The following CCDC57 variants were observed in gnomAD, a reference collection of about 807,000 sequenced individuals.
CCDC57 encodes the protein coiled-coil domain-containing protein 57.
In CCDC57, 118 loss-of-function variants were observed where a neutral mutation model predicts 118.9. The observed-to-expected ratio is 0.99, with a 90% CI of 0.86 to 1.16. The LOEUF (loss-of-function observed/expected upper bound fraction) is 1.16, where lower values mean the gene tolerates loss of function less well. Among genes scored for constraint, CCDC57 ranks in the 50% most tolerant of loss-of-function variants. CCDC57 has a pLI of 0.00. For synonymous variants in CCDC57, 527 were observed against 532.9 expected (o/e 0.99, Z 0.15); for missense variants, 1,300 against 1,320.7 (o/e 0.98, Z 0.24).
rs1452428561 is a variant in CCDC57, at chr17:82,188,216, C to G, written c.1052+3G>C. On this transcript the variant is annotated splice_donor_region_variant and intron_variant, in intron 8 of 19. Transcript: ENST00000665763. ...CTCTGGGTGGAGCCAAGCACACGCTCACTGGTCAATGGCAGCGTCCTTCTC... is the reference window on the plus strand; with the variant it reads ...CTCTGGGTGGAGCCAAGCACACGCTGACTGGTCAATGGCAGCGTCCTTCTC... 1 of 1,545,290 alleles carries G rather than the reference C, an allele frequency of 6.5e-7. No individual in the cohort carries two copies. The highest frequency in any genetic ancestry group is 2.4e-5 in the East Asian group (1 of 41,030).
At chr17:82,113,525 C>T (rs532372378) in intron 19 of CCDC57, 9 of 717,568 alleles carry the variant, frequency 1.3e-5, no homozygotes, top group South Asian at 8.9e-5. Context: ...GTGAGGCCCG[C>T]GCTGCATGTT....
At chr17:82,177,063 T>C (rs1198767109) in intron 11 of CCDC57, among the ~76,000 whole-genome samples, 1 of 151,712 alleles carries the variant, frequency 6.6e-6, no homozygotes, top group African/African-American at 2.4e-5. Flanking sequence ...CTGACCAACA[T>C]GGAGAAACCC....
chr17:82,189,253 G>GT (rs1176626791), intron 7 of CCDC57, among the ~76,000 whole-genome samples: 1 of 152,206 alleles, frequency 6.6e-6, no homozygotes, highest in Admixed American at 6.5e-5. Flanking sequence ...GAGTGACACA[G>GT]TGAGACCCTG....
At chr17:82,193,921 T>C (rs2047978520) in intron 6 of CCDC57, 61 bp downstream of exon 5, 1 of 1,579,202 alleles carries the variant, frequency 6.3e-7, no homozygotes, top group Non-Finnish European at 8.6e-7. Flanking sequence ...TCCCCCAGAC[T>C]CCAGTCCTGG....
chr17:82,205,211 T>A (rs1030156319), intron 2 of CCDC57, among the ~76,000 whole-genome samples: 1 of 152,240 alleles, frequency 6.6e-6, no homozygotes, highest in South Asian at 2.1e-4. Flanking sequence ...CTTCACACAG[T>A]GCCCGTGAGT....
At chr17:82,190,656 C>T (rs1426012646) in intron 7 of CCDC57, among the ~76,000 whole-genome samples, 2 of 144,268 alleles carry the variant, frequency 1.4e-5, no homozygotes, top group African/African-American at 2.6e-5. Flanking sequence ...GATTGCACCA[C>T]TGCACCATCT....
At chr17:82,129,407 C>A (rs1051513843) in intron 17 of CCDC57, among the ~76,000 whole-genome samples, 4 of 152,288 alleles carry the variant, frequency 2.6e-5, no homozygotes, top group Admixed American at 2.6e-4. Flanking sequence ...CTGTACAGAG[C>A]CATGGACAAT....
chr17:82,200,544 G>C (rs2048871972), intron 3 of CCDC57, among the ~76,000 whole-genome samples: 1 of 152,116 alleles, frequency 6.6e-6, no homozygotes, highest in Non-Finnish European at 1.5e-5. Context: ...AGCACTTCAG[G>C]AAGCCAAGGC....
chr17:82,189,467 G>A (rs935826816), intron 7 of CCDC57, among the ~76,000 whole-genome samples: 3 of 151,932 alleles, frequency 2.0e-5, no homozygotes, highest in Non-Finnish European at 1.5e-5. Context: ...CTGCTGACTG[G>A]GTTTCAGACC....
chr17:82,120,923 T>G (rs1455316334), intron 19 of CCDC57, among the ~76,000 whole-genome samples: 1 of 151,832 alleles, frequency 6.6e-6, no homozygotes, highest in East Asian at 1.9e-4. Context: ...GCCCGGCTAA[T>G]TTTTTGTATT....
At chr17:82,127,643 C>G (rs1000768868) in intron 19 of CCDC57, 49 bp downstream of exon 18, 3 of 1,542,322 alleles carry the variant, frequency 1.9e-6, no homozygotes, top group African/African-American at 1.4e-5. Flanking sequence ...GAGGGTGGCC[C>G]TCGCCAGCTG....
At chr17:82,164,562 T>C (rs35555954) in intron 13 of CCDC57, among the ~76,000 whole-genome samples, 69,765 of 151,796 alleles carry the variant, frequency 0.46, 16,863 homozygotes, top group East Asian at 0.88. Flanking sequence ...AAGGAAAAAA[T>C]AGAAGCAAAT....
At chr17:82,103,799 G>T (rs1435149705) in intron 19 of CCDC57, among the ~76,000 whole-genome samples, 2 of 151,902 alleles carry the variant, frequency 1.3e-5, no homozygotes, top group African/African-American at 2.4e-5. Flanking sequence ...GCGAAGCAGG[G>T]AGGTGTGAGT....
At position 82,198,322 on chromosome 17, in the gene CCDC57, G is replaced by A. The variant is rs781687154; in HGVS notation, c.508C>T (p.Gln170Ter). The A allele has an allele frequency of 1.2e-6, 2 of 1,610,984 alleles. No individual in the cohort carries two copies. Among genetic ancestry groups the A allele is most frequent in the Admixed American group, 3.3e-5 (2 of 59,880 alleles). The change falls in exon 4 of 20, where the codon CAG becomes TAG. Residue 170 changes from glutamine to a stop codon, truncating the protein, a stop_gained. Coordinates refer to ENST00000665763, the Ensembl canonical transcript of CCDC57. LOFTEE classifies it high-confidence loss of function. ...CGACCCAGAGGCTCTACCTGTCTCT[G>A]CAGAGCAAGCTCACCGTCGAGCTCC... is the stretch of plus-strand genomic sequence containing the variant.
intron 2 of CCDC57, among the ~76,000 whole-genome samples, chr17:82,204,279 C>G (rs1196043148): frequency 6.6e-6 from 1 of 152,174 alleles, no homozygotes; most frequent in African/African-American, 2.4e-5. Context: ...TCCCTACCGA[C>G]CATCTCAGCA....
chr17:82,169,541 G>A (rs2044415527), intron 13 of CCDC57, among the ~76,000 whole-genome samples: 1 of 152,156 alleles, frequency 6.6e-6, no homozygotes, highest in African/African-American at 2.4e-5. Context: ...ACACTAAGGG[G>A]GGCTGTGGCT....
chr17:82,194,265 A>G, intron 5 of CCDC57, 126 bp from the exon 5 acceptor site: 2 of 979,868 alleles, frequency 2.0e-6, no homozygotes, highest in African/African-American at 1.6e-5. Context: ...AGAAGCAGTA[A>G]AACAGTGAGA....
At chr17:82,151,388 G>C (rs1431153173) in intron 16 of CCDC57, among the ~76,000 whole-genome samples, 172 bp downstream of exon 15, 1 of 150,014 alleles carries the variant, frequency 6.7e-6, no homozygotes, top group Non-Finnish European at 1.5e-5. Flanking sequence ...CACACACCCA[G>C]AACCTGACCC....
rs370891222 is a variant in CCDC57 at position 82,188,639 on chromosome 17, G to T, written c.852-220C>A. 1.2e-3 allele frequency among the ~76,000 whole-genome samples: 183 copies of T among 152,356 alleles called. 2 individuals are homozygous for T. Among genetic ancestry groups the T allele is most frequent in the African/African-American group, 4.0e-3 (168 of 41,580 alleles). The stretch of plus-strand genomic sequence containing the variant: ...CCAGGCCCCTGGCCTGCCCTCCAGA[G>T]CCCACAGCCCCCTGGAGAAGGACAC... On this transcript the variant is annotated intron_variant, in intron 7 of 19. Transcript: ENST00000665763.
Sources: allele counts gnomAD v4.1 joint callset (sites outside exome capture counted in the v4.1 genomes callset), GRCh38; gene constraint gnomAD v4.1.1; transcripts MANE v1.5; gene names NCBI Gene and HGNC (gene_info 2026-07-23, HGNC 2026-07-21).